Variants in CLSPN observed in about 807,000 individuals in gnomAD.
The protein encoded by CLSPN is claspin.
In CLSPN, 85 loss-of-function variants were observed where a neutral mutation model predicts 156.3. That is an observed-to-expected ratio of 0.54 (90% CI 0.46 to 0.65). The LOEUF (loss-of-function observed/expected upper bound fraction) is 0.65. CLSPN is among the 30% of genes least tolerant of loss of function. CLSPN has a pLI of 0.00. For synonymous variants in CLSPN, 534 were observed against 542.4 expected (o/e 0.98, Z 0.22); for missense variants, 1,407 against 1,554.9 (o/e 0.90, Z 1.60).
intron 6 of CLSPN, among the ~76,000 whole-genome samples, chr1:35,761,636 C>A (rs751653238): frequency 6.6e-6 from 1 of 152,040 alleles, no homozygotes; most frequent in Non-Finnish European, 1.5e-5. Context: ...ATGTATACAG[C>A]GTGATACTCT....
downstream of CLSPN, chr1:35,731,979 G>A (rs1641328207): frequency 5.8e-6 from 1 of 173,340 alleles, no homozygotes; most frequent in African/African-American, 2.4e-5. Flanking sequence ...TTTTTTCTGG[G>A]AGCTACTGGC....
chr1:35,733,734 T>C lies in CLSPN; in HGVS notation c.*2762A>G. Reference sequence around the variant, plus strand: ...TGGCTGAGCCTGTGACCCCAGCATTTTGGGAGGCCAAGGTGGGAGGATTAC... The same window carrying C: ...TGGCTGAGCCTGTGACCCCAGCATTCTGGGAGGCCAAGGTGGGAGGATTAC... On this transcript the variant is annotated 3_prime_UTR_variant, in exon 25 of 25. Coordinates refer to ENST00000318121, the MANE Select transcript of CLSPN (RefSeq NM_022111.4). 1 of 977,376 alleles carries C rather than the reference T, an allele frequency of 1.0e-6. No individual in the cohort carries two copies. The highest frequency in any genetic ancestry group is 1.8e-5 in the African/African-American group (1 of 57,128). 60.5% of individuals were successfully genotyped at this position (977,376 alleles called of 1,614,324 possible). A position where few individuals can be genotyped will look rare whatever the true frequency, so the allele number is the denominator to read the frequency against.
At chr1:35,755,572 C>T (rs1043138804) in intron 8 of CLSPN, among the ~76,000 whole-genome samples, 6 of 151,792 alleles carry the variant, frequency 4.0e-5, no homozygotes, top group East Asian at 3.9e-4. Context: ...TGCGACTGGC[C>T]GATTTTTGTA....
chr1:35,733,862 G>T lies in CLSPN; in HGVS notation c.*2634C>A. 2 of 527,852 alleles carry T rather than the reference G, an allele frequency of 3.8e-6. No individual in the cohort carries two copies. Among genetic ancestry groups the T allele is most frequent in the Non-Finnish European group, 4.8e-6 (2 of 412,412 alleles). The allele number at this position is 527,852 out of a possible 1,614,324, so 32.7% of individuals were successfully genotyped here. ...CATGGTGGCATATGCCTGTAATGTGGCCCAGCTATTCCAAAGGTTGAGGAA... is the reference window on the plus strand; with the variant it reads ...CATGGTGGCATATGCCTGTAATGTGTCCCAGCTATTCCAAAGGTTGAGGAA... On this transcript the variant is annotated 3_prime_UTR_variant, in exon 25 of 25. Transcript: ENST00000318121.
At chr1:35,726,686 C>T (rs757878456) in intron 24 of CLSPN, among the ~76,000 whole-genome samples, 53 of 152,276 alleles carry the variant, frequency 3.5e-4, no homozygotes, top group Non-Finnish European at 5.0e-4. Context: ...CTACTGGCCC[C>T]AAGCTTGTAA....
rs1284812559 is a variant in CLSPN, at chr1:35,734,882, C to T, written c.*1614G>A. On this transcript the variant is annotated 3_prime_UTR_variant, in exon 25 of 25. Coordinates refer to ENST00000318121, the MANE Select transcript of CLSPN (RefSeq NM_022111.4). The stretch of plus-strand genomic sequence containing the variant: ...CATGGAATGTTTTTCCAAAGCAGCA[C>T]TGATGCTCAGTTCTGAGGGGAAAAA... The T allele has an allele frequency of 8.1e-6, 8 of 985,288 alleles. No homozygotes were observed. The highest frequency in any genetic ancestry group is 9.6e-6 in the Non-Finnish European group (8 of 829,936). The allele number at this position is 985,288 out of a possible 1,614,324, so 61.0% of individuals were successfully genotyped here. A position where few individuals can be genotyped will look rare whatever the true frequency, so the allele number is the denominator to read the frequency against.
At position 35,739,253 on chromosome 1, in the gene CLSPN, T is replaced by A; in HGVS notation, c.3313A>T (p.Thr1105Ser). The part of the protein sequence containing the change: ...QSQIKKIHMK[T>S]MLDDDKRQLR... Reference sequence around the variant, plus strand: ...TGTCGCTTATCATCATCCAACATAGTTTTCCTGCAACAGGAGAAATAAGGT... The same window carrying A: ...TGTCGCTTATCATCATCCAACATAGATTTCCTGCAACAGGAGAAATAAGGT... The change falls in exon 20 of 25, where the codon ACT becomes TCT. Residue 1105 changes from threonine (T) to serine (S), a missense_variant. Around this residue, in one of 3 missense-constraint regions of CLSPN, gnomAD observed 70 missense variants for 121.5 expected, o/e 0.58. Transcript: ENST00000318121. 1.2e-6 allele frequency: 2 copies of A among 1,614,190 alleles called. No homozygotes were observed. Among genetic ancestry groups the A allele is most frequent in the Non-Finnish European group, 1.7e-6 (2 of 1,180,028 alleles).
At chr1:35,768,491 T>C (rs1224362858) in intron 1 of CLSPN, among the ~76,000 whole-genome samples, 5 of 152,056 alleles carry the variant, frequency 3.3e-5, no homozygotes, top group Non-Finnish European at 5.9e-5. Flanking sequence ...CACTGCAGCC[T>C]TGACCTCCCA....
In CLSPN at chr1:35,746,973, G is replaced by A; in HGVS notation, c.2647C>T (p.His883Tyr). The A allele has an allele frequency of 6.2e-7, 1 of 1,613,902 alleles. No homozygotes were observed. Among genetic ancestry groups the A allele is most frequent in the Non-Finnish European group, 8.5e-7 (1 of 1,179,846 alleles). Reference sequence around the variant, plus strand: ...TTCAAAGCTTGGTACTGATTCCTGTGGTTTCTAACATTTAAGAACCTAAGA... The same window carrying A: ...TTCAAAGCTTGGTACTGATTCCTGTAGTTTCTAACATTTAAGAACCTAAGA... ...DADGFLNVRNHRNQYQALKPR... is the reference protein window; with the variant it reads ...DADGFLNVRNYRNQYQALKPR... Residue 883 changes from histidine to tyrosine, a missense_variant, in exon 15 of 25, where the codon CAC (histidine) becomes TAC (tyrosine). Physicochemically the swap from His to Tyr is moderately conservative, Grantham distance 83. Coordinates refer to ENST00000318121, the MANE Select transcript of CLSPN (RefSeq NM_022111.4). The surrounding 1 kb of genome is among the most constrained non-coding windows in gnomAD (Gnocchi z 4.2).
intron 24 of CLSPN, 25 bp downstream of exon 24, chr1:35,736,889 C>T: frequency 6.2e-7 from 1 of 1,605,106 alleles, no homozygotes; most frequent in Non-Finnish European, 8.5e-7. Flanking sequence ...TGGGAAGCCA[C>T]CATATTAGTT....
At chr1:35,756,953 G>T (rs1004266589) in intron 8 of CLSPN, among the ~76,000 whole-genome samples, 4 of 152,100 alleles carry the variant, frequency 2.6e-5, no homozygotes, top group Admixed American at 2.6e-4. Flanking sequence ...TCCTAGCATG[G>T]CATAAAAACC....
Position 35,752,569 on chromosome 1 carries a change from CTCTG to C in CLSPN, c.1772-1067_1772-1064del, listed in dbSNP as rs562630526. The stretch of plus-strand genomic sequence containing the variant: ...CTCCAGCCAGGGTGACAGTGCAGGA[CTCTG>C]TCTTAGAGGAAAAAAAAAAAAAAAA... On this transcript the variant is annotated intron_variant, in intron 9 of 24. Transcript: ENST00000318121. Among the ~76,000 whole-genome samples, 240 of 116,722 alleles carry C rather than the reference CTCTG, an allele frequency of 2.1e-3. 2 individuals carry two copies. The highest frequency in any genetic ancestry group is 6.9e-3 in the Admixed American group (61 of 8,836). The allele number at this position is 116,722 out of a possible 152,430, so 76.6% of individuals were successfully genotyped here. A position where few individuals can be genotyped will look rare whatever the true frequency, so the allele number is the denominator to read the frequency against.
intron 8 of CLSPN, among the ~76,000 whole-genome samples, chr1:35,758,147 T>C (rs1350387632): frequency 6.6e-6 from 1 of 152,034 alleles, no homozygotes; most frequent in Non-Finnish European, 1.5e-5. Context: ...AACAATAAGA[T>C]GTTTAATGAA....
intron 20 of CLSPN, 109 bp from the exon 21 acceptor site, chr1:35,738,691 T>A: frequency 8.9e-7 from 1 of 1,122,028 alleles, no homozygotes; most frequent in African/African-American, 1.6e-5. Context: ...TGTAAACTTT[T>A]CCCATCCATT....
intron 8 of CLSPN, among the ~76,000 whole-genome samples, chr1:35,760,101 G>C (rs1470613029): frequency 6.6e-6 from 1 of 152,068 alleles, no homozygotes; most frequent in East Asian, 1.9e-4. Flanking sequence ...CAAAGTGCTG[G>C]GATTACAGGC....
At position 35,769,864 on chromosome 1, in the gene CLSPN, C is replaced by T; in HGVS notation, c.7G>A (p.Gly3Ser). Reference sequence around the variant, plus strand: ...AAACTCACCTCAGAACCCACCTCGCCTGTCATGACTTCTGCCTCCCCTGCG... The same window carrying T: ...AAACTCACCTCAGAACCCACCTCGCTTGTCATGACTTCTGCCTCCCCTGCG... MTGEVGSEVHLEI... is the reference protein window; with the variant it reads MTSEVGSEVHLEI... The change falls in exon 1 of 25, where the codon GGC becomes AGC. Residue 3 changes from glycine (G) to serine (S), a missense_variant. Gly to Ser is a moderately conservative substitution (Grantham distance 56). This residue lies in a region of CLSPN where 1,096 missense variants were observed against 1,193.0 expected (regional missense o/e 0.92). Transcript: ENST00000318121. 6.2e-7 allele frequency: 1 copy of T among 1,609,190 alleles called. No homozygotes were observed. The highest frequency in any genetic ancestry group is 1.7e-4 in the Middle Eastern group (1 of 6,058).
chr1:35,762,271 T>C, intron 5 of CLSPN, 133 bp downstream of exon 5: 1 of 845,926 alleles, frequency 1.2e-6, no homozygotes, highest in Non-Finnish European at 1.9e-6. Context: ...CATATTTTGT[T>C]CCTACTATGT....
At chr1:35,738,126 A>C in intron 21 of CLSPN, 29 bp from the exon 22 acceptor site, 1 of 664,508 alleles carries the variant, frequency 1.5e-6, no homozygotes, top group Non-Finnish European at 2.1e-6. Context: ...ATATATATAT[A>C]TATATATATA....
At chr1:35,742,949 A>G (rs1006348544) in intron 18 of CLSPN, among the ~76,000 whole-genome samples, 192 bp downstream of exon 18, 1 of 151,874 alleles carries the variant, frequency 6.6e-6, no homozygotes, top group South Asian at 2.1e-4. Context: ...GGGTTTCACC[A>G]TGTTTGTCAG....
Sources: allele counts gnomAD v4.1 joint callset (sites outside exome capture counted in the v4.1 genomes callset), GRCh38; gene constraint gnomAD v4.1.1; regional missense constraint gnomAD v4.1.1; non-coding constraint Gnocchi (gnomAD v3.1); transcripts MANE v1.5; gene names NCBI Gene and HGNC (gene_info 2026-07-23, HGNC 2026-07-21).